Variants in SSH2 observed in about 807,000 individuals in gnomAD.
SSH2 encodes the protein slingshot protein phosphatase 2, also known as protein phosphatase Slingshot homolog 2.
A neutral mutation model predicts 135.2 loss-of-function variants in SSH2; 37 were observed. The observed-to-expected ratio is 0.27, with a 90% CI of 0.21 to 0.36. The LOEUF (loss-of-function observed/expected upper bound fraction) is 0.36. SSH2 is among the 10% of genes least tolerant of loss of function. SSH2 has a pLI of 1.00. For missense variants in SSH2, 1,408 were observed against 1,765.3 expected, an observed-to-expected ratio of 0.80 and a Z score of 3.63; for synonymous variants, 628 against 646.2, an observed-to-expected ratio of 0.97 and a Z score of 0.43.
intron 1 of SSH2, among the ~76,000 whole-genome samples, chr17:29,905,422 T>C (rs568201479): frequency 6.6e-6 from 1 of 152,240 alleles, no homozygotes; most frequent in South Asian, 2.1e-4. Flanking sequence ...GGCTGCATGC[T>C]CCAAGACGCA....
At chr17:29,740,199 C>T (rs2040508306) in intron 3 of SSH2, among the ~76,000 whole-genome samples, 1 of 152,194 alleles carries the variant, frequency 6.6e-6, no homozygotes, top group East Asian at 1.9e-4. Flanking sequence ...AGATGAGCTG[C>T]GGGCAGAGAT....
intron 1 of SSH2, among the ~76,000 whole-genome samples, chr17:29,870,698 G>C (rs1434440795): frequency 1.3e-5 from 2 of 152,054 alleles, no homozygotes; most frequent in Non-Finnish European, 2.9e-5. Flanking sequence ...TTGGAGATCT[G>C]GAATACTGAT....
intron 5 of SSH2, among the ~76,000 whole-genome samples, chr17:29,685,720 CGGAGGTTGCAG>C (rs1307080783): frequency 6.8e-6 from 1 of 147,382 alleles, no homozygotes; most frequent in Non-Finnish European, 1.5e-5. Flanking sequence ...ACCCAGGAGG[CGGAGGTTGCAG>C]TGAGCTGAGA....
chr17:29,666,340 C>G (rs1218944406), intron 11 of SSH2, among the ~76,000 whole-genome samples: 1 of 152,022 alleles, frequency 6.6e-6, no homozygotes, highest in Admixed American at 6.6e-5. Flanking sequence ...TGCTACTACA[C>G]TCCAGGCTGG....
At chr17:29,897,447 C>G (rs188024573) in intron 1 of SSH2, among the ~76,000 whole-genome samples, 2 of 151,876 alleles carry the variant, frequency 1.3e-5, no homozygotes, top group Admixed American at 1.3e-4. Context: ...ATCTACCAAG[C>G]AAATGGAAAA....
At chr17:29,892,219 T>A (rs1360602131) in intron 1 of SSH2, among the ~76,000 whole-genome samples, 1 of 152,040 alleles carries the variant, frequency 6.6e-6, no homozygotes, top group Non-Finnish European at 1.5e-5. Context: ...AGCAAACATT[T>A]TAAATAGTAA....
At chr17:29,770,281 G>T (rs755180219) in intron 3 of SSH2, among the ~76,000 whole-genome samples, 1 of 151,330 alleles carries the variant, frequency 6.6e-6, no homozygotes, top group East Asian at 1.9e-4. Context: ...GCTAATTTTT[G>T]TATTTTTGGT....
In SSH2 at chr17:29,632,447, G is replaced by T; in HGVS notation, c.2747C>A (p.Thr916Lys). The T allele has an allele frequency of 6.2e-7, 1 of 1,614,218 alleles. No individual in the cohort carries two copies. The highest frequency in any genetic ancestry group is 8.5e-7 in the Non-Finnish European group (1 of 1,180,036). Residue 916 changes from threonine to lysine, a missense_variant, in exon 16 of 16, where the codon ACA becomes AAA. Thr to Lys is a moderately conservative substitution (Grantham distance 78, BLOSUM62 -1). Coordinates refer to ENST00000540801, the MANE Select transcript of SSH2 (RefSeq NM_001282129.2). ...QEQEHHGAAPTCTSLSTRKNS... is the reference protein window; with the variant it reads ...QEQEHHGAAPKCTSLSTRKNS... ...CTTACGAGTGGACAATGAGGTACAT[G>T]TTGGGGCAGCACCATGATGCTCTTG...
chr17:29,773,949 C>T (rs555024439), intron 3 of SSH2, among the ~76,000 whole-genome samples: 3 of 152,168 alleles, frequency 2.0e-5, no homozygotes, highest in Non-Finnish European at 4.4e-5. Flanking sequence ...GGATTACAGG[C>T]GTGAGCCACC....
chr17:29,761,485 G>C, intron 3 of SSH2: 1 of 978,948 alleles, frequency 1.0e-6, no homozygotes, highest in Non-Finnish European at 1.2e-6. Flanking sequence ...GGGACGGGCG[G>C]GTCCTGAGAG....
intron 2 of SSH2, among the ~76,000 whole-genome samples, chr17:29,825,182 T>C (rs1715566525): frequency 6.6e-6 from 1 of 152,184 alleles, no homozygotes; most frequent in Non-Finnish European, 1.5e-5. Context: ...AAATACATTA[T>C]ATACCACATT....
At chr17:29,668,350 C>T (rs1226763370) in intron 9 of SSH2, among the ~76,000 whole-genome samples, 1 of 152,192 alleles carries the variant, frequency 6.6e-6, no homozygotes, top group Non-Finnish European at 1.5e-5. Flanking sequence ...CCTGTCTTAA[C>T]TAGGATTAAA....
chr17:29,754,042 G>A (rs1261224581), intron 3 of SSH2, among the ~76,000 whole-genome samples: 1 of 152,168 alleles, frequency 6.6e-6, no homozygotes, highest in Non-Finnish European at 1.5e-5. Context: ...AAGCCATGTA[G>A]CCTTGTGCAA....
At chr17:29,638,006 C>T (rs540849775) in intron 14 of SSH2, among the ~76,000 whole-genome samples, 7 of 151,622 alleles carry the variant, frequency 4.6e-5, no homozygotes, top group African/African-American at 1.5e-4. Flanking sequence ...CCCAGCTACT[C>T]GGGAGGCTGA....
chr17:29,683,950 A>G (rs992045958), intron 6 of SSH2, among the ~76,000 whole-genome samples: 1 of 152,176 alleles, frequency 6.6e-6, no homozygotes, highest in Non-Finnish European at 1.5e-5. Flanking sequence ...GCTGTCTCAA[A>G]AAGAGAAATA....
chr17:29,826,282 A>T (rs1182966041), intron 2 of SSH2, among the ~76,000 whole-genome samples: 1 of 152,178 alleles, frequency 6.6e-6, no homozygotes, highest in Non-Finnish European at 1.5e-5. Context: ...AGCTCTTAAG[A>T]CTTAAAAGCT....
chr17:29,725,506 C>T (rs867489049), intron 3 of SSH2, among the ~76,000 whole-genome samples: 2 of 152,248 alleles, frequency 1.3e-5, no homozygotes, highest in Middle Eastern at 3.4e-3. Flanking sequence ...CCCAAATGCC[C>T]ATCAATGATA....
At chr17:29,639,702 TAGG>T (rs1234195720) in intron 14 of SSH2, 1 of 152,004 alleles carries the variant, frequency 6.6e-6, no homozygotes, top group East Asian at 1.9e-4. Flanking sequence ...CAGCCACCCC[TAGG>T]AGGAGACAAC....
At chr17:29,670,093 G>A (rs2037432232) in intron 9 of SSH2, among the ~76,000 whole-genome samples, 1 of 151,892 alleles carries the variant, frequency 6.6e-6, no homozygotes, top group Non-Finnish European at 1.5e-5. Flanking sequence ...TGTTGGCCAG[G>A]CTGGTCTCGA....
Sources: gnomAD v4.1 joint callset for allele counts (sites outside exome capture counted in the v4.1 genomes callset) on GRCh38, gnomAD v4.1.1 for gene constraint, MANE v1.5 for transcripts, NCBI Gene and HGNC (gene_info 2026-07-23, HGNC 2026-07-21) for gene names.